ENTREP2: variants seen among roughly 807,000 people sequenced by gnomAD.
The protein encoded by ENTREP2 is endosomal transmembrane epsin interactor 2.
chr15:29,254,545 C>G, the ENTREP2 span, among the ~76,000 whole-genome samples: 5 of 151,874 alleles, frequency 3.3e-5, no homozygotes, highest in Non-Finnish European at 5.9e-5. Flanking sequence ...TAGTCTTTGA[C>G]ACATGTCTAT....
At chr15:29,159,256 A>G in the ENTREP2 span, among the ~76,000 whole-genome samples, 1 of 151,826 alleles carries the variant, frequency 6.6e-6, no homozygotes, top group Admixed American at 6.6e-5. Context: ...ACAGCTCTTA[A>G]GGCGGCGTGT....
At chr15:29,245,323 G>C in the ENTREP2 span, among the ~76,000 whole-genome samples, 1 of 151,942 alleles carries the variant, frequency 6.6e-6, no homozygotes, top group Non-Finnish European at 1.5e-5. Flanking sequence ...ATAAATCCTA[G>C]ATCGATAAAA....
the ENTREP2 span, among the ~76,000 whole-genome samples, chr15:29,383,582 C>T: frequency 6.6e-6 from 1 of 152,158 alleles, no homozygotes; most frequent in Non-Finnish European, 1.5e-5. Context: ...GGCTGCATGT[C>T]CCCTGAGACT....
At chr15:29,262,224 C>T in the ENTREP2 span, among the ~76,000 whole-genome samples, 2 of 152,136 alleles carry the variant, frequency 1.3e-5, no homozygotes, top group African/African-American at 2.4e-5. Flanking sequence ...CCATAATCTT[C>T]GTTATACTGT....
At chr15:29,418,497 C>T in the ENTREP2 span, among the ~76,000 whole-genome samples, 41 of 152,048 alleles carry the variant, frequency 2.7e-4, no homozygotes, top group African/African-American at 2.2e-4. Flanking sequence ...CCCACCTACC[C>T]GAAGGTGCTA....
the ENTREP2 span, among the ~76,000 whole-genome samples, chr15:29,176,246 A>G: frequency 6.6e-6 from 1 of 152,244 alleles, no homozygotes; most frequent in East Asian, 1.9e-4. Context: ...ATTCTCCTTA[A>G]ATGTCCTGAG....
At chr15:29,134,945 C>T in the ENTREP2 span, among the ~76,000 whole-genome samples, 2 of 152,132 alleles carry the variant, frequency 1.3e-5, no homozygotes, top group African/African-American at 2.4e-5. Flanking sequence ...TGATCTGATG[C>T]CCGGTACCAG....
At chr15:29,378,907 T>C in the ENTREP2 span, among the ~76,000 whole-genome samples, 3 of 152,216 alleles carry the variant, frequency 2.0e-5, no homozygotes, top group African/African-American at 4.8e-5. Context: ...CTTGCATCTA[T>C]TGTGAATGCC....
chr15:29,185,537 T>C, the ENTREP2 span, among the ~76,000 whole-genome samples: 4 of 152,132 alleles, frequency 2.6e-5, no homozygotes, highest in Admixed American at 2.6e-4. Flanking sequence ...TAGGTATTCT[T>C]TTCCACGGCC....
the ENTREP2 span, among the ~76,000 whole-genome samples, chr15:29,388,521 C>T: frequency 1.3e-5 from 2 of 152,178 alleles, no homozygotes; most frequent in Non-Finnish European, 2.9e-5. Flanking sequence ...TGTTGTGGGA[C>T]TGTAAACTAG....
chr15:29,208,729 C>T, the ENTREP2 span, among the ~76,000 whole-genome samples: 1 of 152,160 alleles, frequency 6.6e-6, no homozygotes, highest in East Asian at 1.9e-4. Context: ...TCTGGTGTAA[C>T]CAACAGATGG....
chr15:29,444,101 TC>T, the ENTREP2 span, among the ~76,000 whole-genome samples: 4 of 146,786 alleles, frequency 2.7e-5, 1 homozygote, highest in African/African-American at 1.0e-4. Context: ...AGACTCCGTC[TC>T]AAAAAGAAAG....
the ENTREP2 span, among the ~76,000 whole-genome samples, chr15:29,131,140 G>C: frequency 1.3e-5 from 2 of 152,180 alleles, no homozygotes; most frequent in African/African-American, 4.8e-5. Context: ...CCCACTCCTG[G>C]GTGAGGCCAA....
the ENTREP2 span, among the ~76,000 whole-genome samples, chr15:29,395,534 CTTT>C: frequency 3.5e-5 from 5 of 141,006 alleles, no homozygotes; most frequent in Non-Finnish European, 4.6e-5. Flanking sequence ...TTTTTTCTTT[CTTT>C]TTTTTTTTTT....
chr15:29,317,100 C>T, the ENTREP2 span, among the ~76,000 whole-genome samples: 1 of 152,088 alleles, frequency 6.6e-6, no homozygotes, highest in Non-Finnish European at 1.5e-5. Flanking sequence ...AAGAATGAAG[C>T]CTTTTGGTTT....
At chr15:29,126,141 A>G in the ENTREP2 span, 4 of 793,394 alleles carry the variant, frequency 5.0e-6, no homozygotes, top group South Asian at 8.3e-5. Flanking sequence ...TCAAGACCAC[A>G]TTCCCAGTGT....
the ENTREP2 span, among the ~76,000 whole-genome samples, chr15:29,337,344 G>A: frequency 6.6e-6 from 1 of 152,136 alleles, no homozygotes; most frequent in Non-Finnish European, 1.5e-5. Flanking sequence ...AGTGTGGGTG[G>A]AGATGCAAAA....
chr15:29,622,360 C>T, the ENTREP2 span, among the ~76,000 whole-genome samples: 1 of 151,964 alleles, frequency 6.6e-6, no homozygotes, highest in Non-Finnish European at 1.5e-5. Context: ...TGCCCATGAC[C>T]ACGCCCGGCT....
At chr15:29,535,725 T>C in the ENTREP2 span, among the ~76,000 whole-genome samples, 1 of 151,894 alleles carries the variant, frequency 6.6e-6, no homozygotes, top group South Asian at 2.1e-4. Flanking sequence ...CAACTTTATG[T>C]CTGAACCCCA....
Sources: allele counts gnomAD v4.1 joint callset (sites outside exome capture counted in the v4.1 genomes callset), GRCh38; gene constraint gnomAD v4.1.1; transcripts MANE v1.5; gene names NCBI Gene and HGNC (gene_info 2026-07-23, HGNC 2026-07-21).